The following EPHA6 variants were observed in gnomAD, a reference collection of about 807,000 sequenced individuals.
EPHA6 encodes the protein EPH receptor A6.
In EPHA6, 50 loss-of-function variants were observed where a neutral mutation model predicts 112.0. That is an observed-to-expected ratio of 0.45 (90% confidence interval 0.36 to 0.56). The LOEUF (loss-of-function observed/expected upper bound fraction) is 0.56, where lower values mean the gene tolerates loss of function less well. Ranked by LOEUF, EPHA6 falls within the 20% of genes least tolerant of loss-of-function variation. EPHA6 has a pLI of 0.00. For missense variants in EPHA6, 1,280 were observed against 1,417.4 expected (o/e 0.90, Z 1.56); for synonymous variants, 529 against 490.7 (o/e 1.08, Z -1.03).
chr3:96,981,986 TG>T (rs1235705486), intron 2 of EPHA6, among the ~76,000 whole-genome samples: 1 of 152,196 alleles, frequency 6.6e-6, no homozygotes, highest in Non-Finnish European at 1.5e-5. Context: ...TCAATTTTGT[TG>T]ATCTTTTCAA....
chr3:96,982,936 GC>G (rs2042859124), intron 2 of EPHA6, among the ~76,000 whole-genome samples: 1 of 151,918 alleles, frequency 6.6e-6, no homozygotes, highest in African/African-American at 2.4e-5. Context: ...TTTATTTTGA[GC>G]CTATGTGTGT....
intron 14 of EPHA6, among the ~76,000 whole-genome samples, chr3:97,668,054 AT>A (rs140447570): frequency 6.6e-6 from 1 of 151,992 alleles, no homozygotes; most frequent in Admixed American, 6.6e-5. Context: ...GTTATTTTAT[AT>A]TTTTTTGCAT....
intron 3 of EPHA6, among the ~76,000 whole-genome samples, chr3:97,060,923 CAAAAAAAA>C (rs71623565): frequency 2.4e-4 from 5 of 21,222 alleles, no homozygotes; most frequent in African/African-American, 3.9e-4. Context: ...GACTCCGTCT[CAAAAAAAA>C]AAAAAAAAAA....
intron 5 of EPHA6, among the ~76,000 whole-genome samples, chr3:97,280,775 C>T (rs760022759): frequency 2.0e-5 from 3 of 152,084 alleles, no homozygotes; most frequent in Non-Finnish European, 4.4e-5. Context: ...AGTTCCAAAA[C>T]CAAAAATCTT....
chr3:97,256,889 G>A (rs898950831), intron 5 of EPHA6, among the ~76,000 whole-genome samples: 5 of 151,870 alleles, frequency 3.3e-5, no homozygotes, highest in African/African-American at 1.2e-4. Flanking sequence ...CTTAAAATGT[G>A]GAATGCATAT....
intron 14 of EPHA6, among the ~76,000 whole-genome samples, chr3:97,659,551 A>G (rs1359386709): frequency 6.6e-6 from 1 of 151,940 alleles, no homozygotes; most frequent in East Asian, 1.9e-4. Flanking sequence ...TCATAATCTA[A>G]TTGATACACA....
At chr3:97,542,882 A>G (rs1397565588) in intron 11 of EPHA6, among the ~76,000 whole-genome samples, 2 of 152,186 alleles carry the variant, frequency 1.3e-5, no homozygotes, top group Non-Finnish European at 2.9e-5. Flanking sequence ...TTTTGGCTGC[A>G]TAAATGTCTT....
At chr3:97,329,370 T>C (rs1416366496) in intron 5 of EPHA6, among the ~76,000 whole-genome samples, 7 of 151,312 alleles carry the variant, frequency 4.6e-5, no homozygotes, top group African/African-American at 1.7e-4. Context: ...TTTCTAGTTC[T>C]GGATCCCTGA....
intron 14 of EPHA6, among the ~76,000 whole-genome samples, chr3:97,656,950 C>G (rs2094141059): frequency 6.6e-6 from 1 of 151,880 alleles, no homozygotes; most frequent in African/African-American, 2.4e-5. Context: ...AGTTGTTTAA[C>G]CATCCTCTTA....
intron 3 of EPHA6, among the ~76,000 whole-genome samples, chr3:97,043,757 C>G (rs561805958): frequency 6.6e-6 from 1 of 152,218 alleles, no homozygotes; most frequent in African/African-American, 2.4e-5. Context: ...ATTTTAAGAT[C>G]TATAGAGATG....
intron 13 of EPHA6, 111 bp downstream of exon 13, chr3:97,610,965 G>A: frequency 1.2e-6 from 1 of 868,308 alleles, no homozygotes. Flanking sequence ...TTTCTGTGAA[G>A]AATAGCAGTG....
chr3:97,236,745 G>A (rs1381971886), intron 4 of EPHA6, among the ~76,000 whole-genome samples: 7 of 152,052 alleles, frequency 4.6e-5, no homozygotes, highest in Admixed American at 1.3e-4. Flanking sequence ...TTGCTCTAAG[G>A]CTAACAGTGT....
chr3:97,179,045 A>G (rs769517539), intron 3 of EPHA6, among the ~76,000 whole-genome samples: 37 of 151,872 alleles, frequency 2.4e-4, no homozygotes, highest in Admixed American at 3.9e-4. Context: ...GATGGTCTTC[A>G]TGGTTTGTTA....
intron 2 of EPHA6, among the ~76,000 whole-genome samples, chr3:96,925,338 A>G (rs967865881): frequency 1.3e-5 from 2 of 152,112 alleles, no homozygotes; most frequent in African/African-American, 4.8e-5. Context: ...TTATCAGTCT[A>G]TTGAGAGATT....
intron 2 of EPHA6, among the ~76,000 whole-genome samples, chr3:96,897,018 T>TA (rs2038308560): frequency 6.6e-6 from 1 of 152,158 alleles, no homozygotes; most frequent in South Asian, 2.1e-4. Flanking sequence ...AAAAATAGTA[T>TA]GATCTTTAGA....
intron 5 of EPHA6, among the ~76,000 whole-genome samples, chr3:97,250,908 C>T (rs1318045475): frequency 6.6e-6 from 1 of 151,492 alleles, no homozygotes; most frequent in Admixed American, 6.6e-5. Context: ...CACTTTGTCC[C>T]CAGGGTGGAG....
At chr3:96,978,630 G>C (rs903477158) in intron 2 of EPHA6, among the ~76,000 whole-genome samples, 8 of 151,884 alleles carry the variant, frequency 5.3e-5, no homozygotes, top group Non-Finnish European at 1.2e-4. Flanking sequence ...TGGTACCTAA[G>C]TCTAATTCTA....
intron 5 of EPHA6, among the ~76,000 whole-genome samples, chr3:97,280,537 C>CT (rs201763726): frequency 6.0e-5 from 9 of 150,756 alleles, no homozygotes; most frequent in East Asian, 1.9e-4. Flanking sequence ...TTTTCTGAGC[C>CT]TTTTTTTTTA....
chr3:97,064,326 G>T (rs927301113), intron 3 of EPHA6, among the ~76,000 whole-genome samples: 1 of 152,132 alleles, frequency 6.6e-6, no homozygotes. Flanking sequence ...GTGTGCTCCT[G>T]TCAGATTTTC....
Sources: gnomAD v4.1 joint callset for allele counts (sites outside exome capture counted in the v4.1 genomes callset) on GRCh38, gnomAD v4.1.1 for gene constraint, MANE v1.5 for transcripts, NCBI Gene and HGNC (gene_info 2026-07-23, HGNC 2026-07-21) for gene names.